LHX4: variants seen among roughly 807,000 people sequenced by gnomAD.
The protein encoded by LHX4 is LIM homeobox 4, also known as LIM/homeobox protein Lhx4.
LHX4 carries 16 observed loss-of-function variants against 39.2 expected under a neutral mutation model. The ratio of observed to expected loss-of-function variants is 0.41; its 90% confidence interval spans 0.28 to 0.62. The LOEUF (loss-of-function observed/expected upper bound fraction) is 0.62. Ranked by LOEUF, LHX4 falls within the 20% of genes least tolerant of loss-of-function variation. The pLI, the probability that LHX4 is intolerant of heterozygous loss-of-function variation, is 0.33. For synonymous variants in LHX4, 206 were observed against 198.1 expected (o/e 1.04, Z -0.33); for missense variants, 439 against 511.9 (o/e 0.86, Z 1.37).
intron 3 of LHX4, chr1:180,271,111 G>A (rs1558223770): frequency 2.1e-5 from 11 of 534,904 alleles, no homozygotes; most frequent in South Asian, 1.4e-4. Context: ...AGACTTCTGT[G>A]CAGCTGGGCT....
At chr1:180,262,281 G>GAAAAA (rs34979970) in intron 2 of LHX4, among the ~76,000 whole-genome samples, 11 of 132,542 alleles carry the variant, frequency 8.3e-5, no homozygotes, top group African/African-American at 2.3e-4. Context: ...ACTTTGAAAG[G>GAAAAA]AAAAAAAAAA....
intron 1 of LHX4, among the ~76,000 whole-genome samples, chr1:180,233,889 T>C (rs894569296): frequency 6.6e-6 from 1 of 151,672 alleles, no homozygotes; most frequent in African/African-American, 2.4e-5. Context: ...AAAAAGGTAT[T>C]TTATTTTGTG....
In LHX4 at chr1:180,276,989, C is replaced by T. The variant is rs2149270859; in HGVS notation, c.*2410C>T. The T allele has an allele frequency of 6.6e-6, 1 of 152,294 alleles. No individual in the cohort carries two copies. Among genetic ancestry groups the T allele is most frequent in the South Asian group, 2.1e-4 (1 of 4,824 alleles). 9.4% of individuals were successfully genotyped at this position (152,294 alleles called of 1,614,324 possible). On this transcript the variant is annotated 3_prime_UTR_variant, in exon 6 of 6. Transcript: ENST00000263726. ...ATAATATAATAAATCTCTTGAGGAA[C>T]TCAGTGAGCAGTTGACGAGGTCAAT... is the stretch of plus-strand genomic sequence containing the variant.
chr1:180,256,519 G>C (rs1215971099), intron 2 of LHX4, among the ~76,000 whole-genome samples: 5 of 152,194 alleles, frequency 3.3e-5, no homozygotes, highest in South Asian at 2.1e-4. Context: ...GTTCCTGCGG[G>C]TGTCTGCCAT....
At chr1:180,242,438 CTG>C (rs1343142751) in intron 1 of LHX4, among the ~76,000 whole-genome samples, 2 of 151,804 alleles carry the variant, frequency 1.3e-5, no homozygotes, top group East Asian at 1.9e-4. Context: ...ATGTACGTGT[CTG>C]TGTTATATGC....
In LHX4 at chr1:180,274,337, C is replaced by A. The variant is rs1398719761; in HGVS notation, c.931C>A (p.Pro311Thr). 3.7e-5 allele frequency: 59 copies of A among 1,614,220 alleles called. No individual in the cohort carries two copies. Among genetic ancestry groups the A allele is most frequent in the Non-Finnish European group, 5.0e-5 (59 of 1,180,046 alleles). Reference sequence around the variant, plus strand: ...GAGGGATGGGAGCCCCTATGGAATCCCCCAGTCTCCATCCTCCATATCGTC... The same window carrying A: ...GAGGGATGGGAGCCCCTATGGAATCACCCAGTCTCCATCCTCCATATCGTC... Reference protein sequence around the residue: ...DLRDGSPYGIPQSPSSISSLP... With the variant: ...DLRDGSPYGITQSPSSISSLP... The change falls in exon 6 of 6, where the codon CCC becomes ACC. Residue 311 changes from proline to threonine, a missense_variant. By Grantham distance (38) the Pro-to-Thr change is conservative (BLOSUM62 -1). Transcript: ENST00000263726.
chr1:180,236,371 A>T (rs1558208183), intron 1 of LHX4, among the ~76,000 whole-genome samples: 1 of 152,132 alleles, frequency 6.6e-6, no homozygotes, highest in Non-Finnish European at 1.5e-5. Flanking sequence ...CTAACTTCCC[A>T]GTTGCCTCGG....
Position 180,234,555 on chromosome 1 carries a change from C to T in LHX4, c.76+3950C>T, listed in dbSNP as rs915943967. Among the ~76,000 whole-genome samples, 1 of 152,190 alleles carries T rather than the reference C, an allele frequency of 6.6e-6. No homozygotes were observed. The highest frequency in any genetic ancestry group is 1.5e-5 in the Non-Finnish European group (1 of 68,028). ...GGCTCCGGCCTCCTCCTTTCCAGGGCCTTGTTATCTGAGAGGGCCGTTAGC... is the reference window on the plus strand; with the variant it reads ...GGCTCCGGCCTCCTCCTTTCCAGGGTCTTGTTATCTGAGAGGGCCGTTAGC... On this transcript the variant is annotated intron_variant, in intron 1 of 5. Coordinates refer to ENST00000263726, the MANE Select transcript of LHX4 (RefSeq NM_033343.4). This position sits in a 1 kb window ranked among gnomAD's most constrained non-coding sequence, Gnocchi z 4.8.
intron 2 of LHX4, among the ~76,000 whole-genome samples, chr1:180,252,919 C>G (rs915832049): frequency 1.3e-5 from 2 of 152,170 alleles, no homozygotes; most frequent in East Asian, 1.9e-4. Context: ...CTCTGTCTTG[C>G]TCAGTAACAC....
chr1:180,269,752 G>T (rs976940629), intron 3 of LHX4: 1 of 152,180 alleles, frequency 6.6e-6, no homozygotes, highest in Admixed American at 6.5e-5. Context: ...AGACACTCCC[G>T]TGTAGACTAT....
chr1:180,268,058 C>T (rs186779541), intron 3 of LHX4, among the ~76,000 whole-genome samples: 3 of 152,340 alleles, frequency 2.0e-5, no homozygotes, highest in Non-Finnish European at 4.4e-5. Context: ...GCAAACCCAT[C>T]CCAAGGCTCT....
intron 2 of LHX4, among the ~76,000 whole-genome samples, chr1:180,259,133 G>A (rs953354405): frequency 1.3e-5 from 2 of 152,078 alleles, no homozygotes; most frequent in East Asian, 3.9e-4. Flanking sequence ...AGGAGGAGGA[G>A]CAGGAGCAGA....
chr1:180,273,603 A>C (rs1342205907), intron 5 of LHX4: 1 of 152,574 alleles, frequency 6.6e-6, no homozygotes, highest in Non-Finnish European at 1.5e-5. Flanking sequence ...CATTTGCCTT[A>C]ATCAAGTCAA....
In LHX4 at chr1:180,274,353, C is replaced by G; in HGVS notation, c.947C>G (p.Ser316Cys). The stretch of plus-strand genomic sequence containing the variant: ...TATGGAATCCCCCAGTCTCCATCCT[C>G]CATATCGTCCCTGCCATCCCACGCT... ...SPYGIPQSPS[S>C]ISSLPSHAPL... is the part of the protein sequence containing the mutation. The change falls in exon 6 of 6, where the codon TCC becomes TGC. Residue 316 changes from serine (S) to cysteine (C), a missense_variant. Ser to Cys is a moderately radical substitution (Grantham distance 112). Transcript: ENST00000263726. The G allele has an allele frequency of 6.2e-7, 1 of 1,614,238 alleles. No individual in the cohort carries two copies. The highest frequency in any genetic ancestry group is 8.5e-7 in the Non-Finnish European group (1 of 1,180,050).
At chr1:180,251,758 G>A (rs767657842) in intron 2 of LHX4, among the ~76,000 whole-genome samples, 2 of 152,178 alleles carry the variant, frequency 1.3e-5, no homozygotes, top group African/African-American at 2.4e-5. Context: ...CCTTGTTCCC[G>A]GCACTGCTCT....
chr1:180,264,147 G>A (rs369006674), intron 2 of LHX4, among the ~76,000 whole-genome samples: 15 of 152,014 alleles, frequency 9.9e-5, no homozygotes, highest in South Asian at 2.1e-4. Context: ...TGCATTTTTT[G>A]TAGAGGCAGG....
At position 180,234,786 on chromosome 1, in the gene LHX4, G is replaced by A. The variant is rs1367641946; in HGVS notation, c.76+4181G>A. ...TTATTTCCTCTCTTGGCCGAGGTCC[G>A]GGCTCGTGGAAAACCAGAGCTAGGC... On this transcript the variant is annotated intron_variant, in intron 1 of 5. Coordinates refer to ENST00000263726, the MANE Select transcript of LHX4 (RefSeq NM_033343.4). This position sits in a 1 kb window ranked among gnomAD's most constrained non-coding sequence, Gnocchi z 4.8. Among the ~76,000 whole-genome samples, 1 of 152,202 alleles carries A rather than the reference G, an allele frequency of 6.6e-6. No individual in the cohort carries two copies. The highest frequency in any genetic ancestry group is 1.5e-5 in the Non-Finnish European group (1 of 68,022).
Position 180,266,915 on chromosome 1 carries a change from T to TG in LHX4, c.451+325dup, listed in dbSNP as rs568355371. Among the ~76,000 whole-genome samples, 183 of 152,304 alleles carry TG rather than the reference T, an allele frequency of 1.2e-3. No homozygotes were observed. In the East Asian group the frequency reaches 0.018, roughly 15 times the overall value. ...GTGGCCTCCTTCCCTGGGTGGAGGCTGGGGTGCTGAGGGGTGGCTGGGAGC... is the reference window on the plus strand; with the variant it reads ...GTGGCCTCCTTCCCTGGGTGGAGGCTGGGGGTGCTGAGGGGTGGCTGGGAGC... On this transcript the variant is annotated intron_variant, in intron 3 of 5. Coordinates refer to ENST00000263726, the MANE Select transcript of LHX4 (RefSeq NM_033343.4). This position sits in a 1 kb window ranked among gnomAD's most constrained non-coding sequence, Gnocchi z 5.7.
chr1:180,268,745 G>A (rs570147006), intron 3 of LHX4, among the ~76,000 whole-genome samples: 8 of 152,326 alleles, frequency 5.3e-5, no homozygotes, highest in Admixed American at 4.6e-4. Context: ...AGTATTTCTG[G>A]CCTGTTCCCC....
Sources: gnomAD v4.1 joint callset for allele counts (sites outside exome capture counted in the v4.1 genomes callset) on GRCh38, gnomAD v4.1.1 for gene constraint, Gnocchi (gnomAD v3.1) non-coding constraint, MANE v1.5 for transcripts, NCBI Gene and HGNC (gene_info 2026-07-23, HGNC 2026-07-21) for gene names.